The following HELZ variants were observed in gnomAD, a reference collection of about 807,000 sequenced individuals.
HELZ encodes the protein helicase with zinc finger.
Under a neutral mutation model 218.2 loss-of-function variants are expected in HELZ, and 23 were observed. The ratio of observed to expected loss-of-function variants is 0.11; its 90% CI spans 0.08 to 0.15. The LOEUF is 0.15. Ranked by LOEUF, HELZ falls within the 10% of genes least tolerant of loss-of-function variation. The pLI is 1.00. For synonymous variants in HELZ, 814 were observed against 829.4 expected (o/e 0.98, Z 0.32); for missense variants, 1,813 against 2,353.7 (o/e 0.77, Z 4.75).
chr17:67,159,914 C>A (rs915198247), intron 17 of HELZ, among the ~76,000 whole-genome samples: 1 of 152,046 alleles, frequency 6.6e-6, no homozygotes, highest in Non-Finnish European at 1.5e-5. Flanking sequence ...ATCTGCCATG[C>A]AAAATATGTT....
intron 31 of HELZ, among the ~76,000 whole-genome samples, chr17:67,103,962 T>C (rs1282281333): frequency 6.6e-6 from 1 of 152,240 alleles, no homozygotes; most frequent in African/African-American, 2.4e-5. Flanking sequence ...CAACTGATTT[T>C]TGACAATGTT....
At chr17:67,221,466 A>G (rs1374938212) in intron 3 of HELZ, among the ~76,000 whole-genome samples, 1 of 152,214 alleles carries the variant, frequency 6.6e-6, no homozygotes, top group Non-Finnish European at 1.5e-5. Context: ...CCAGACCAAT[A>G]ATACAAAAAG....
At chr17:67,084,708 T>A (rs2036308802) in intron 32 of HELZ, among the ~76,000 whole-genome samples, 1 of 151,056 alleles carries the variant, frequency 6.6e-6, no homozygotes, top group African/African-American at 2.4e-5. Flanking sequence ...AATGATGTTA[T>A]CGTAAAAAAA....
intron 21 of HELZ, among the ~76,000 whole-genome samples, chr17:67,138,551 A>G (rs2038223096): frequency 6.6e-6 from 1 of 152,226 alleles, no homozygotes; most frequent in African/African-American, 2.4e-5. Context: ...CAGTGACATC[A>G]CTAAGTCCCA....
rs1410525430 is a variant in HELZ, at chr17:67,201,048, G to A, written c.429+81C>T. ...TCGCCTTCTGGCTGATGCCACAATG[G>A]TTTTCCAAATTTTAATACATAATGC... is the stretch of plus-strand genomic sequence containing the variant. On this transcript the variant is annotated intron_variant, in intron 7 of 32. Coordinates refer to ENST00000358691, the MANE Select transcript of HELZ (RefSeq NM_014877.4). 5.5e-6 allele frequency: 6 copies of A among 1,099,338 alleles called. No individual in the cohort carries two copies. The Admixed American group carries it at 6.8e-5, about 12-fold the overall frequency. 68.1% of individuals were successfully genotyped at this position (1,099,338 alleles called of 1,614,324 possible). A position where few individuals can be genotyped will look rare whatever the true frequency, so the allele number is the denominator to read the frequency against.
intron 5 of HELZ, 148 bp from the exon 6 acceptor site, chr17:67,203,591 G>A (rs2143127544): frequency 1.1e-6 from 1 of 898,058 alleles, no homozygotes; most frequent in Non-Finnish European, 1.6e-6. Flanking sequence ...TGGTGTTTCT[G>A]TTCTGTCCAA....
At chr17:67,123,840 T>C (rs1259529668) in intron 25 of HELZ, 123 bp downstream of exon 25, 3 of 734,554 alleles carry the variant, frequency 4.1e-6, no homozygotes, top group Non-Finnish European at 7.5e-6. Flanking sequence ...TGTGTGTGTG[T>C]GTGTGTCAGA....
rs2035977085 is a variant in HELZ at position 67,074,836 on chromosome 17, A to C, written c.*3416T>G. The C allele has an allele frequency of 6.6e-6, 1 of 152,024 alleles. No homozygotes were observed. Among genetic ancestry groups the C allele is most frequent in the Non-Finnish European group, 1.5e-5 (1 of 67,964 alleles). 9.4% of individuals were successfully genotyped at this position (152,024 alleles called of 1,614,324 possible). A position where few individuals can be genotyped will look rare whatever the true frequency, so the allele number is the denominator to read the frequency against. On this transcript the variant is annotated 3_prime_UTR_variant, in exon 33 of 33. Transcript: ENST00000358691. ...CCAGTTGATGTTTACATTAAACCTA[A>C]ACTTATTCTAAAATCTGATGATTTA...
intron 20 of HELZ, among the ~76,000 whole-genome samples, chr17:67,147,644 A>T (rs903242447): frequency 1.6e-4 from 22 of 138,946 alleles, no homozygotes; most frequent in Non-Finnish European, 2.5e-4. Flanking sequence ...TGCCCTGCTA[A>T]TTTTTTTTTT....
intron 9 of HELZ, 41 bp from the exon 10 acceptor site, chr17:67,190,396 T>G (rs2039861772): frequency 6.8e-7 from 1 of 1,480,560 alleles, no homozygotes. Context: ...TATACTTTGT[T>G]GAACCATTTA....
chr17:67,151,634 C>CA (rs1280929260), intron 17 of HELZ, among the ~76,000 whole-genome samples: 1 of 152,016 alleles, frequency 6.6e-6, no homozygotes, highest in Non-Finnish European at 1.5e-5. Flanking sequence ...TTTATGCTAA[C>CA]AAAAAACAGT....
intron 32 of HELZ, among the ~76,000 whole-genome samples, chr17:67,083,883 T>C (rs2036273980): frequency 6.6e-6 from 1 of 152,178 alleles, no homozygotes; most frequent in Non-Finnish European, 1.5e-5. Flanking sequence ...GTATTCAGTG[T>C]CAAAACGGGA....
At chr17:67,178,948 AT>A in intron 12 of HELZ, 22 bp from the exon 13 acceptor site, 1 of 1,515,478 alleles carries the variant, frequency 6.6e-7, no homozygotes, top group Non-Finnish European at 9.0e-7. Flanking sequence ...CAAAAAACAC[AT>A]TTATAAAGAA....
In HELZ at chr17:67,178,793, G is replaced by A. The variant is rs765690697; in HGVS notation, c.1296C>T (p.Tyr432=). The A allele has an allele frequency of 9.3e-6, 15 of 1,613,814 alleles. No individual in the cohort carries two copies. In the African/African-American group the frequency reaches 1.5e-4, roughly 16 times the overall value. The change falls in exon 13 of 33, where the codon TAC becomes TAT. Residue 432 remains tyrosine, a synonymous_variant. Transcript: ENST00000358691. The part of the protein sequence containing the change: ...TDLEKSLLIR[Y]QIPLSADQLF... The stretch of plus-strand genomic sequence containing the variant: ...GCTGGTCAGCAGAGAGGGGAATTTG[G>A]TATCTGATAAGAAGGCTCTTCTCCA...
rs2035872644 is a variant in HELZ at position 67,070,990 on chromosome 17, A to T, written c.*7262T>A. 1 of 152,208 alleles carries T rather than the reference A, an allele frequency of 6.6e-6. No individual in the cohort carries two copies. The highest frequency in any genetic ancestry group is 2.1e-4 in the South Asian group (1 of 4,826). The allele number at this position is 152,208 out of a possible 1,614,324, so 9.4% of individuals were successfully genotyped here. A position where few individuals can be genotyped will look rare whatever the true frequency, so the allele number is the denominator to read the frequency against. On this transcript the variant is annotated 3_prime_UTR_variant, in exon 33 of 33. Transcript: ENST00000358691. ...AACTATATGTATGAAGCATTAAAAA[A>T]AAATCCTGTGTCACTAATAACAGGA... is the stretch of plus-strand genomic sequence containing the variant.
intron 12 of HELZ, among the ~76,000 whole-genome samples, chr17:67,180,264 G>A (rs564667403): frequency 5.3e-5 from 8 of 152,054 alleles, no homozygotes; most frequent in Admixed American, 1.3e-4. Context: ...CAGGAGGATC[G>A]CTTGAGGTCA....
intron 18 of HELZ, chr17:67,150,242 A>G (rs912989514): frequency 3.4e-5 from 9 of 262,054 alleles, no homozygotes; most frequent in African/African-American, 2.1e-4. Context: ...TGATCCTCCA[A>G]CCTCAGCCTC....
intron 5 of HELZ, among the ~76,000 whole-genome samples, chr17:67,207,992 CTG>C (rs2040348949): frequency 6.6e-6 from 1 of 152,180 alleles, no homozygotes; most frequent in Non-Finnish European, 1.5e-5. Context: ...GAGCAAGACC[CTG>C]TCTCAAAACA....
rs1017926315 is a variant in HELZ at position 67,154,495 on chromosome 17, T to C, written c.2178-3271A>G. Among the ~76,000 whole-genome samples, 3 of 152,162 alleles carry C rather than the reference T, an allele frequency of 2.0e-5. No individual in the cohort carries two copies. In the East Asian group the frequency reaches 5.8e-4, roughly 29 times the overall value. ...AATTCTTTTTATTGTCTGATACTAA[T>C]TACTAAGTAATTTTTTGTTTCTTTG... On this transcript the variant is annotated intron_variant, in intron 17 of 32. Coordinates refer to ENST00000358691, the MANE Select transcript of HELZ (RefSeq NM_014877.4).
Sources: gnomAD v4.1 joint callset for allele counts (sites outside exome capture counted in the v4.1 genomes callset) on GRCh38, gnomAD v4.1.1 for gene constraint, MANE v1.5 for transcripts, NCBI Gene and HGNC (gene_info 2026-07-23, HGNC 2026-07-21) for gene names.